Variants in SDK1 observed in about 807,000 individuals in gnomAD.
SDK1 encodes sidekick cell adhesion molecule 1.
SDK1 carries 157 observed loss-of-function variants against 245.5 expected under a neutral mutation model. The ratio of observed to expected loss-of-function variants is 0.64; its 90% CI spans 0.56 to 0.73. The LOEUF (loss-of-function observed/expected upper bound fraction) is 0.73, where lower values mean the gene tolerates loss of function less well. Among genes scored for constraint, SDK1 ranks in the 30% least tolerant of loss-of-function variants. SDK1 has a pLI of 0.00. For missense variants in SDK1, 3,583 were observed against 3,002.3 expected (o/e 1.19, Z -4.52); for synonymous variants, 1,647 against 1,278.5 (o/e 1.29, Z -6.15).
intron 5 of SDK1, among the ~76,000 whole-genome samples, chr7:3,844,548 C>T (rs1483770118): frequency 1.3e-5 from 2 of 152,198 alleles, no homozygotes; most frequent in African/African-American, 2.4e-5. Context: ...AGATGGACAA[C>T]TGCCTGTAAT....
intron 1 of SDK1, among the ~76,000 whole-genome samples, chr7:3,477,614 A>G (rs1323372749): frequency 6.6e-6 from 1 of 151,078 alleles, no homozygotes; most frequent in African/African-American, 2.5e-5. Flanking sequence ...TCTTGGGCTT[A>G]AGGGATTCTC....
At chr7:3,754,190 T>C (rs1012568700) in intron 4 of SDK1, among the ~76,000 whole-genome samples, 2 of 152,244 alleles carry the variant, frequency 1.3e-5, no homozygotes, top group South Asian at 2.1e-4. Flanking sequence ...GAGATTCATA[T>C]TACATTTTCA....
chr7:3,744,342 C>T (rs1779557387), intron 4 of SDK1, among the ~76,000 whole-genome samples: 1 of 151,962 alleles, frequency 6.6e-6, no homozygotes, highest in Non-Finnish European at 1.5e-5. Context: ...GCTTCTTTGT[C>T]TGTTCATTGT....
chr7:3,812,144 T>C (rs960062215), intron 4 of SDK1, among the ~76,000 whole-genome samples: 1 of 152,262 alleles, frequency 6.6e-6, no homozygotes, highest in African/African-American at 2.4e-5. Context: ...CAGTAGGCAC[T>C]GCAAAGATAT....
At chr7:4,008,420 G>A (rs1035107029) in intron 14 of SDK1, among the ~76,000 whole-genome samples, 9 of 152,342 alleles carry the variant, frequency 5.9e-5, no homozygotes, top group African/African-American at 1.9e-4. Context: ...CGCCATGACA[G>A]CACACCTGAA....
At chr7:4,008,913 G>A (rs950478243) in intron 14 of SDK1, among the ~76,000 whole-genome samples, 2 of 152,190 alleles carry the variant, frequency 1.3e-5, no homozygotes, top group South Asian at 4.1e-4. Flanking sequence ...AGTGTATACT[G>A]AGAAGCAGAA....
intron 1 of SDK1, among the ~76,000 whole-genome samples, chr7:3,308,825 G>T (rs949564311): frequency 6.6e-6 from 1 of 152,056 alleles, no homozygotes; most frequent in African/African-American, 2.4e-5. Flanking sequence ...CCTTGAGGGG[G>T]TTGGAAGCTC....
chr7:3,542,764 C>G (rs1246635091), intron 1 of SDK1, among the ~76,000 whole-genome samples: 1 of 152,084 alleles, frequency 6.6e-6, no homozygotes, highest in Non-Finnish European at 1.5e-5. Context: ...ACTAGAAGTG[C>G]TTTTAAAGAA....
intron 14 of SDK1, among the ~76,000 whole-genome samples, chr7:3,996,210 A>T (rs1784688326): frequency 6.6e-6 from 1 of 152,146 alleles, no homozygotes; most frequent in Non-Finnish European, 1.5e-5. Context: ...ACCTGTTTAT[A>T]CAAAAGTCTG....
At chr7:4,110,301 C>T (rs1450752356) in intron 22 of SDK1, among the ~76,000 whole-genome samples, 1 of 152,182 alleles carries the variant, frequency 6.6e-6, no homozygotes, top group East Asian at 1.9e-4. Context: ...TTTCTCTGAG[C>T]CCTCACTTGT....
At chr7:3,509,511 T>C (rs1424593753) in intron 1 of SDK1, among the ~76,000 whole-genome samples, 2 of 152,224 alleles carry the variant, frequency 1.3e-5, no homozygotes, top group Admixed American at 1.3e-4. Flanking sequence ...TAGGGGCTTA[T>C]TAAATACAAC....
intron 17 of SDK1, among the ~76,000 whole-genome samples, chr7:4,024,334 AT>A (rs1219699454): frequency 2.0e-5 from 3 of 152,092 alleles, no homozygotes; most frequent in Non-Finnish European, 4.4e-5. Context: ...GAAATTCTCA[AT>A]GTGGCATTAA....
chr7:3,692,210 C>A (rs967066338), intron 4 of SDK1, among the ~76,000 whole-genome samples: 1 of 152,002 alleles, frequency 6.6e-6, no homozygotes, highest in African/African-American at 2.4e-5. Flanking sequence ...TTAAAAAATT[C>A]TTTCTGATTC....
At chr7:3,759,738 C>T (rs1780039250) in intron 4 of SDK1, among the ~76,000 whole-genome samples, 1 of 151,938 alleles carries the variant, frequency 6.6e-6, no homozygotes, top group African/African-American at 2.4e-5. Flanking sequence ...ACTACAGGGG[C>T]ATGCCACCAT....
Position 3,380,952 on chromosome 7 carries a change from T to G in SDK1, c.298+79068T>G, listed in dbSNP as rs537553971. The stretch of plus-strand genomic sequence containing the variant: ...CTGAGAAATCAAGCTTTTGTGGTTA[T>G]GTTTTTCAAACTGGAGCACATTGCT... On this transcript the variant is annotated intron_variant, in intron 1 of 44. Coordinates refer to ENST00000404826, the MANE Select transcript of SDK1 (RefSeq NM_152744.4). Among the ~76,000 whole-genome samples the G allele has an allele frequency of 2.0e-5, 3 of 152,346 alleles. No homozygotes were observed. The South Asian group carries it at 6.2e-4, about 32-fold the overall frequency.
intron 43 of SDK1, 127 bp downstream of exon 43, chr7:4,242,040 C>A: frequency 9.1e-7 from 1 of 1,096,444 alleles, no homozygotes; most frequent in South Asian, 1.5e-5. Context: ...CCCAACCCAC[C>A]GCCAAGTGCG....
intron 4 of SDK1, among the ~76,000 whole-genome samples, chr7:3,783,542 AC>A (rs1191578310): frequency 2.0e-5 from 3 of 152,136 alleles, no homozygotes; most frequent in African/African-American, 7.2e-5. Context: ...AAATCAACAC[AC>A]AAAAATCAGT....
At chr7:3,419,598 G>A (rs1779481583) in intron 1 of SDK1, among the ~76,000 whole-genome samples, 1 of 152,152 alleles carries the variant, frequency 6.6e-6, no homozygotes, top group African/African-American at 2.4e-5. Context: ...CATGGACTCA[G>A]TTGCCTTTTG....
At chr7:3,800,363 T>G (rs538170437) in intron 4 of SDK1, among the ~76,000 whole-genome samples, 78 of 137,118 alleles carry the variant, frequency 5.7e-4, no homozygotes, top group Non-Finnish European at 1.2e-3. Context: ...ACTTACTTAC[T>G]TACTTACTTA....
Sources: allele counts gnomAD v4.1 joint callset (sites outside exome capture counted in the v4.1 genomes callset), GRCh38; gene constraint gnomAD v4.1.1; transcripts MANE v1.5; gene names NCBI Gene and HGNC (gene_info 2026-07-23, HGNC 2026-07-21).